Variants in DMD observed in about 807,000 individuals in gnomAD.
The protein encoded by DMD is mutant dystrophin.
A neutral mutation model predicts 330.1 loss-of-function variants in DMD; 63 were observed. That is an observed-to-expected ratio of 0.19 (90% CI 0.16 to 0.24). DMD has a LOEUF of 0.24. DMD is among the 10% of genes least tolerant of loss of function. DMD has a pLI of 1.00. For missense variants in DMD, 3,344 were observed against 2,684.1 expected, an observed-to-expected ratio of 1.25 and a Z score of -5.43; for synonymous variants, 1,223 against 959.8, an observed-to-expected ratio of 1.27 and a Z score of -5.07.
intron 44 of DMD, among the ~76,000 whole-genome samples, chrX:32,191,459 G>A (rs977014143): frequency 4.5e-5 from 5 of 111,828 alleles, no homozygotes; most frequent in Admixed American, 9.5e-5. Context: ...AAGGAACAGC[G>A]AGAATAAGGG....
intron 2 of DMD, among the ~76,000 whole-genome samples, chrX:32,995,486 C>T (rs759632788): frequency 1.2e-4 from 13 of 111,959 alleles, no homozygotes; most frequent in African/African-American, 4.2e-4. Context: ...ATGCCTGTCA[C>T]CTTATTCAAT....
chrX:32,324,721 T>G (rs1041507228), intron 41 of DMD, among the ~76,000 whole-genome samples: 3 of 111,831 alleles, frequency 2.7e-5, no homozygotes, highest in Non-Finnish European at 5.6e-5. Context: ...ACAACTCTTC[T>G]GTAATTTGTT....
chrX:32,957,727 G>T (rs764876852), intron 2 of DMD, among the ~76,000 whole-genome samples: 2 of 111,770 alleles, frequency 1.8e-5, no homozygotes, highest in East Asian at 5.6e-4. Flanking sequence ...CCAGGGCACA[G>T]CCTAAGATGA....
chrX:32,649,019 G>A (rs2059956239), intron 9 of DMD, among the ~76,000 whole-genome samples: 1 of 110,968 alleles, frequency 9.0e-6, no homozygotes, highest in South Asian at 3.8e-4. Context: ...ATCCTATTTT[G>A]TCTTTATCAC....
At chrX:33,329,662 G>A (rs749378238) in intron 1 of DMD, among the ~76,000 whole-genome samples, 24 of 111,680 alleles carry the variant, frequency 2.1e-4, no homozygotes, top group Non-Finnish European at 4.1e-4. Flanking sequence ...AAACAAAAGA[G>A]TACAGCTGTA....
intron 43 of DMD, among the ~76,000 whole-genome samples, chrX:32,225,732 A>ACT (rs1415237286): frequency 9.7e-6 from 1 of 103,565 alleles, no homozygotes; most frequent in Non-Finnish European, 2.0e-5. Flanking sequence ...CCCACCACCA[A>ACT]CTCTCTCTCT....
intron 9 of DMD, among the ~76,000 whole-genome samples, chrX:32,647,024 A>C (rs7889065): frequency 0.096 from 10,551 of 110,296 alleles, 1,168 homozygotes; most frequent in African/African-American, 0.32. Context: ...AATAACTATC[A>C]AAGTCAGCAT....
chrX:32,819,750 T>A (rs2078065592), intron 5 of DMD, among the ~76,000 whole-genome samples: 1 of 108,721 alleles, frequency 9.2e-6, no homozygotes, highest in African/African-American at 3.4e-5. Context: ...ATCTGATAGA[T>A]CTAGAATGTA....
chrX:32,787,248 G>GAA (rs1569521630), intron 7 of DMD, among the ~76,000 whole-genome samples: 3 of 84,766 alleles, frequency 3.5e-5, no homozygotes, highest in Non-Finnish European at 4.9e-5. Context: ...GTGTGTGTGT[G>GAA]AGAGAGAGAG....
intron 12 of DMD, among the ~76,000 whole-genome samples, chrX:32,608,598 C>T (rs1322477725): frequency 1.8e-5 from 2 of 110,179 alleles, no homozygotes; most frequent in Non-Finnish European, 3.8e-5. Flanking sequence ...GCTGTATGCC[C>T]AACGTTTTAA....
At chrX:32,791,465 G>T (rs958587184) in intron 7 of DMD, among the ~76,000 whole-genome samples, 8 of 111,894 alleles carry the variant, frequency 7.1e-5, no homozygotes, top group African/African-American at 2.6e-4. Context: ...TGGTGTCCCA[G>T]TCACCGGCAA....
At chrX:31,258,535 G>A (rs1273654153) in intron 63 of DMD, among the ~76,000 whole-genome samples, 3 of 112,269 alleles carry the variant, frequency 2.7e-5, no homozygotes, top group Non-Finnish European at 3.8e-5. Context: ...AAAGGGGGCT[G>A]GAATTGATCA....
At chrX:32,669,197 A>G (rs1040978249) in intron 9 of DMD, among the ~76,000 whole-genome samples, 1 of 111,083 alleles carries the variant, frequency 9.0e-6, no homozygotes, top group African/African-American at 3.3e-5. Context: ...AGTTTCCCAT[A>G]ATCAGCCGTA....
At chrX:32,673,270 A>T (rs1285526443) in intron 9 of DMD, among the ~76,000 whole-genome samples, 6 of 111,105 alleles carry the variant, frequency 5.4e-5, no homozygotes, top group Non-Finnish European at 1.1e-4. Context: ...GTACATGATT[A>T]AAAAACAGTT....
At chrX:31,148,548 A>G (rs1237721320) in intron 74 of DMD, among the ~76,000 whole-genome samples, 2 of 112,539 alleles carry the variant, frequency 1.8e-5, no homozygotes, top group African/African-American at 6.5e-5. Flanking sequence ...CCTGTTGAAG[A>G]GATTCTTTAC....
At chrX:31,229,615 A>C (rs972207843) in intron 63 of DMD, among the ~76,000 whole-genome samples, 5 of 111,914 alleles carry the variant, frequency 4.5e-5, no homozygotes, top group Admixed American at 9.5e-5. Context: ...TGGTAAGTGA[A>C]AAATAAAATT....
chrX:33,219,850 TG>T (rs1163718073), intron 1 of DMD, among the ~76,000 whole-genome samples: 1 of 111,492 alleles, frequency 9.0e-6, no homozygotes, highest in Non-Finnish European at 1.9e-5. Context: ...GTGAAGATCC[TG>T]GTAGGAAATA....
chrX:33,334,527 G>A lies in DMD; in HGVS notation c.7+4732C>T, dbSNP rs774289259. Among the ~76,000 whole-genome samples, 6 of 111,401 alleles carry A rather than the reference G, an allele frequency of 5.4e-5. No homozygotes were observed. In the South Asian group the frequency reaches 1.9e-3, roughly 35 times the overall value. ...ACTCAACTGTGTTTTAGCATGAAAG[G>A]AGTCCTATATAGCATATAAACAAAT... On this transcript the variant is annotated intron_variant, in intron 1 of 17. Coordinates refer to the DMD transcript ENST00000288447.
intron 52 of DMD, among the ~76,000 whole-genome samples, chrX:31,701,356 T>C (rs1425469702): frequency 8.9e-6 from 1 of 111,924 alleles, no homozygotes; most frequent in African/African-American, 3.2e-5. Context: ...GAAATAAAAA[T>C]AAATGGAAAA....
Sources: allele counts gnomAD v4.1 joint callset (sites outside exome capture counted in the v4.1 genomes callset), GRCh38; gene constraint gnomAD v4.1.1; transcripts MANE v1.5; gene names NCBI Gene and HGNC (gene_info 2026-07-23, HGNC 2026-07-21).